The following PRKAR2B variants were observed in gnomAD, a reference collection of about 807,000 sequenced individuals.
PRKAR2B encodes the protein protein kinase cAMP-dependent type II regulatory subunit beta.
PRKAR2B carries 14 observed loss-of-function variants against 49.9 expected under a neutral mutation model. The ratio of observed to expected loss-of-function variants is 0.28; its 90% CI spans 0.19 to 0.44. The LOEUF (loss-of-function observed/expected upper bound fraction) is 0.44, where lower values mean the gene tolerates loss of function less well. PRKAR2B is among the 20% of genes least tolerant of loss of function. The pLI, the probability that PRKAR2B is intolerant of heterozygous loss-of-function variation, is 1.00. For synonymous variants in PRKAR2B, 196 were observed against 197.7 expected, an observed-to-expected ratio of 0.99 and a Z score of 0.07; for missense variants, 393 against 537.9, an observed-to-expected ratio of 0.73 and a Z score of 2.67.
chr7:107,109,040 T>C (rs1288252992), intron 2 of PRKAR2B, among the ~76,000 whole-genome samples: 2 of 152,222 alleles, frequency 1.3e-5, no homozygotes, highest in Admixed American at 1.3e-4. Context: ...ATACCCACTT[T>C]TAATTACATG....
At chr7:107,105,480 C>G (rs1037341628) in intron 2 of PRKAR2B, among the ~76,000 whole-genome samples, 2 of 152,142 alleles carry the variant, frequency 1.3e-5, no homozygotes, top group Non-Finnish European at 2.9e-5. Flanking sequence ...GGTTGTCAAT[C>G]CCAGTTATGG....
At chr7:107,140,110 A>G (rs1795764548) in intron 4 of PRKAR2B, among the ~76,000 whole-genome samples, 2 of 152,166 alleles carry the variant, frequency 1.3e-5, no homozygotes, top group South Asian at 4.1e-4. Context: ...CTGATTAAAG[A>G]TTTCTTTCAC....
intron 2 of PRKAR2B, among the ~76,000 whole-genome samples, chr7:107,079,198 C>T (rs1794466594): frequency 6.6e-6 from 1 of 152,182 alleles, no homozygotes; most frequent in African/African-American, 2.4e-5. Context: ...TGTGAAGGAT[C>T]AGTTTTTCGT....
intron 3 of PRKAR2B, among the ~76,000 whole-genome samples, chr7:107,125,721 G>A (rs1026360275): frequency 1.3e-5 from 2 of 152,108 alleles, no homozygotes; most frequent in Admixed American, 6.5e-5. Flanking sequence ...GGCAGGGTGA[G>A]GGAAAAGGGA....
At position 107,160,423 on chromosome 7, in the gene PRKAR2B, A is replaced by G. The variant is rs1350657128; in HGVS notation, c.*841A>G. ...AAGTGATTTAAACTTAAGATCCGAC[A>G]TTTTTTGTATTCTTTAAGATTTTAC... On this transcript the variant is annotated 3_prime_UTR_variant, in exon 11 of 11. Transcript: ENST00000265717. 1 of 152,138 alleles carries G rather than the reference A, an allele frequency of 6.6e-6. No homozygotes were observed. The highest frequency in any genetic ancestry group is 2.4e-5 in the African/African-American group (1 of 41,432). 9.4% of individuals were successfully genotyped at this position (152,138 alleles called of 1,614,324 possible).
chr7:107,111,307 G>T lies in PRKAR2B; in HGVS notation c.344-10645G>T, dbSNP rs10233005. The stretch of plus-strand genomic sequence containing the variant: ...CCCTGGCTTGCTGATGGCACCTCTG[G>T]ATCTGCCTGGGGCTTGGGAGCTCGC... On this transcript the variant is annotated intron_variant, in intron 2 of 10. Coordinates refer to ENST00000265717, the MANE Select transcript of PRKAR2B (RefSeq NM_002736.3). Among the ~76,000 whole-genome samples the T allele has an allele frequency of 9.3e-3, 1,419 of 152,324 alleles. 15 individuals are homozygous for T. Among genetic ancestry groups the T allele is most frequent in the African/African-American group, 0.032 (1,340 of 41,568 alleles).
intron 4 of PRKAR2B, among the ~76,000 whole-genome samples, chr7:107,133,249 A>T (rs1384135630): frequency 6.6e-6 from 1 of 152,200 alleles, no homozygotes; most frequent in Admixed American, 6.5e-5. Flanking sequence ...TCTGTATTTT[A>T]TCAGGAATTG....
chr7:107,084,269 T>C (rs1032569854), intron 2 of PRKAR2B, among the ~76,000 whole-genome samples: 8 of 152,186 alleles, frequency 5.3e-5, no homozygotes, highest in Non-Finnish European at 1.0e-4. Context: ...AATCAATTCA[T>C]CATTCAAAGT....
chr7:107,128,966 G>A (rs929356242), intron 4 of PRKAR2B: 6 of 152,044 alleles, frequency 3.9e-5, no homozygotes, highest in Non-Finnish European at 8.8e-5. Context: ...TTGCTGTATA[G>A]TTATTTAGGA....
chr7:107,081,636 C>T (rs1166147335), intron 2 of PRKAR2B, among the ~76,000 whole-genome samples: 9 of 152,136 alleles, frequency 5.9e-5, no homozygotes, highest in African/African-American at 9.7e-5. Flanking sequence ...TGCACCTCCC[C>T]GGATTAGTTT....
At chr7:107,108,600 G>C (rs1010601660) in intron 2 of PRKAR2B, among the ~76,000 whole-genome samples, 12 of 152,176 alleles carry the variant, frequency 7.9e-5, no homozygotes, top group Admixed American at 2.0e-4. Context: ...ATATGGTGTT[G>C]ATTGGTCTTA....
At chr7:107,098,763 G>A (rs901751244) in intron 2 of PRKAR2B, among the ~76,000 whole-genome samples, 2 of 152,164 alleles carry the variant, frequency 1.3e-5, no homozygotes, top group African/African-American at 4.8e-5. Context: ...CAGGTCTGTT[G>A]TAGTTTGCTG....
chr7:107,120,053 C>T (rs10248105), intron 2 of PRKAR2B, among the ~76,000 whole-genome samples: 18,292 of 152,212 alleles, frequency 0.12, 1,297 homozygotes, highest in African/African-American at 0.19. Context: ...ATGATCTTGG[C>T]TTTCCTGTGC....
In PRKAR2B at chr7:107,045,226, AC is replaced by A. The variant is rs1272711029; in HGVS notation, c.307+18del. 1.9e-5 allele frequency: 26 copies of A among 1,402,088 alleles called. No individual in the cohort carries two copies. In the African/African-American group the frequency reaches 2.9e-4, roughly 16 times the overall value. 86.9% of individuals were successfully genotyped at this position (1,402,088 alleles called of 1,614,324 possible). A position where few individuals can be genotyped will look rare whatever the true frequency, so the allele number is the denominator to read the frequency against. The stretch of plus-strand genomic sequence containing the variant: ...AGGGGCGTTCAATGGTGAGGACCAG[AC>A]CCCCCACTTCGCGCCCCCGGATCCC... On this transcript the variant is annotated intron_variant, in intron 1 of 10. Coordinates refer to ENST00000265717, the MANE Select transcript of PRKAR2B (RefSeq NM_002736.3).
chr7:107,084,006 T>G (rs1794565905), intron 2 of PRKAR2B, among the ~76,000 whole-genome samples: 1 of 152,186 alleles, frequency 6.6e-6, no homozygotes, highest in African/African-American at 2.4e-5. Context: ...CAAGTGTTTT[T>G]GACTATTCTG....
At chr7:107,052,443 T>G (rs1261871203) in intron 1 of PRKAR2B, among the ~76,000 whole-genome samples, 1 of 152,178 alleles carries the variant, frequency 6.6e-6, no homozygotes, top group Non-Finnish European at 1.5e-5. Flanking sequence ...TGGTGTCCTT[T>G]TTATTTAATA....
intron 4 of PRKAR2B, among the ~76,000 whole-genome samples, chr7:107,138,065 G>T (rs796254838): frequency 2.6e-5 from 4 of 151,666 alleles, no homozygotes; most frequent in African/African-American, 9.7e-5. Flanking sequence ...ACTGTCTCTG[G>T]CACTCCTTTC....
At chr7:107,061,168 A>T (rs1289088624) in intron 1 of PRKAR2B, among the ~76,000 whole-genome samples, 1 of 152,036 alleles carries the variant, frequency 6.6e-6, no homozygotes, top group Non-Finnish European at 1.5e-5. Context: ...GATATATGGT[A>T]TGGTAACTCT....
Position 107,150,791 on chromosome 7 carries a change from G to A in PRKAR2B, c.742-131G>A, listed in dbSNP as rs1283358248. 7 of 541,610 alleles carry A rather than the reference G, an allele frequency of 1.3e-5. No individual in the cohort carries two copies. In the East Asian group the frequency reaches 2.1e-4, roughly 17 times the overall value. 33.6% of individuals were successfully genotyped at this position (541,610 alleles called of 1,614,324 possible). A position where few individuals can be genotyped will look rare whatever the true frequency, so the allele number is the denominator to read the frequency against. On this transcript the variant is annotated intron_variant, in intron 6 of 10. Transcript: ENST00000265717. ...ACGAAATAAAAATATGAAATGAGTT[G>A]CATTAAAAGTATAATGATGTTAATC...
Sources: gnomAD v4.1 joint callset for allele counts (sites outside exome capture counted in the v4.1 genomes callset) on GRCh38, gnomAD v4.1.1 for gene constraint, MANE v1.5 for transcripts, NCBI Gene and HGNC (gene_info 2026-07-23, HGNC 2026-07-21) for gene names.